Variants in BRDT observed in about 807,000 individuals in gnomAD.
BRDT encodes the protein bromodomain testis-specific protein.
A neutral mutation model predicts 113.9 loss-of-function variants in BRDT; 77 were observed. The observed-to-expected ratio is 0.68, with a 90% CI of 0.56 to 0.82. The LOEUF (loss-of-function observed/expected upper bound fraction) is 0.82, where lower values mean the gene tolerates loss of function less well. Ranked by LOEUF, BRDT falls within the 40% of genes least tolerant of loss-of-function variation. The probability of loss-of-function intolerance (pLI) is 0.00; values close to 1 mark genes in which losing one functional copy is unlikely to be tolerated. For missense variants in BRDT, 1,027 were observed against 1,105.4 expected, an observed-to-expected ratio of 0.93 and a Z score of 1.01; for synonymous variants, 358 against 366.5, an observed-to-expected ratio of 0.98 and a Z score of 0.26.
chr1:92,005,359 G>A, intron 18 of BRDT, 60 bp downstream of exon 18: 1 of 1,400,220 alleles, frequency 7.1e-7, no homozygotes, highest in African/African-American at 1.5e-5. Context: ...ACAGAGCACT[G>A]TCTTTTGTAT....
intron 1 of BRDT, among the ~76,000 whole-genome samples, chr1:91,955,780 C>T (rs1681699494): frequency 6.7e-6 from 1 of 149,770 alleles, no homozygotes; most frequent in Admixed American, 6.8e-5. Flanking sequence ...GAAACCAGGG[C>T]CTCCAGCCAA....
chr1:91,979,483 C>G, intron 7 of BRDT, 86 bp from the exon 8 acceptor site: 1 of 1,306,626 alleles, frequency 7.7e-7, no homozygotes, highest in Admixed American at 2.3e-5. Context: ...AAATATGACA[C>G]TGAAATGTAC....
intron 15 of BRDT, among the ~76,000 whole-genome samples, chr1:92,000,355 C>T (rs1686724981): frequency 6.6e-6 from 1 of 152,242 alleles, no homozygotes; most frequent in Admixed American, 6.5e-5. Context: ...CCTATACTTA[C>T]AGCTTTTCTC....
At position 91,968,159 on chromosome 1, in the gene BRDT, T is replaced by C; in HGVS notation, c.344T>C (p.Ile115Thr). 6.2e-7 allele frequency: 1 copy of C among 1,613,968 alleles called. No individual in the cohort carries two copies. The highest frequency in any genetic ancestry group is 8.5e-7 in the Non-Finnish European group (1 of 1,179,926). Reference protein sequence around the residue: ...CYLYNKPGDDIVLMAQALEKL... With the variant: ...CYLYNKPGDDTVLMAQALEKL... ...TATATTTTGTAGCCTGGAGATGACA[T>C]TGTTCTTATGGCACAAGCTCTAGAG... Residue 115 changes from isoleucine to threonine, a missense_variant, in exon 4 of 19, where the codon ATT becomes ACT. By Grantham distance (89) the Ile-to-Thr change is moderately conservative. Transcript: ENST00000399546.
chr1:91,996,619 T>C (rs1686364595), intron 15 of BRDT, among the ~76,000 whole-genome samples: 1 of 152,168 alleles, frequency 6.6e-6, no homozygotes, highest in Non-Finnish European at 1.5e-5. Flanking sequence ...TCTGATGTAG[T>C]TAGGATTAAG....
rs1265846104 is a variant in BRDT, at chr1:91,980,681, A to G, written c.1326A>G (p.Gln442=). 1 of 1,598,998 alleles carries G rather than the reference A, an allele frequency of 6.3e-7. No homozygotes were observed. The highest frequency in any genetic ancestry group is 1.4e-5 in the African/African-American group (1 of 73,608). ...ATCAACAGCTCCAGGTTTTGTCCCAAGTACCTTTCCGTAAGCTAAATAAAA... is the reference window on the plus strand; with the variant it reads ...ATCAACAGCTCCAGGTTTTGTCCCAGGTACCTTTCCGTAAGCTAAATAAAA... The part of the protein sequence containing the change: ...AVHQQLQVLS[Q]VPFRKLNKKK... The change falls in exon 9 of 19, where the codon CAA becomes CAG. Residue 442 remains glutamine, a synonymous_variant. Coordinates refer to ENST00000399546, the MANE Select transcript of BRDT (RefSeq NM_207189.4).
In BRDT at chr1:91,976,428, C is replaced by T. The variant is rs768316701; in HGVS notation, c.608C>T (p.Thr203Ile). The change falls in exon 5 of 19, where the codon ACT becomes ATT. Residue 203 changes from threonine (T) to isoleucine (I), a missense_variant. Coordinates refer to ENST00000399546, the MANE Select transcript of BRDT (RefSeq NM_207189.4). ...GCTTCAGTCAACTCCAGTTCACAAA[C>T]TGCGGCCCAAGTAAGTTTGTTGTAG... ...QGASVNSSSQ[T>I]AAQVTKGVKR... 6.4e-7 allele frequency: 1 copy of T among 1,555,170 alleles called. No individual in the cohort carries two copies. Among genetic ancestry groups the T allele is most frequent in the Non-Finnish European group, 8.6e-7 (1 of 1,156,366 alleles).
rs115800643 is a variant in BRDT at position 91,999,669 on chromosome 1, C to T, written c.2288-2380C>T. Among the ~76,000 whole-genome samples, 812 of 152,264 alleles carry T rather than the reference C, an allele frequency of 5.3e-3. 5 individuals carry two copies. Among genetic ancestry groups the T allele is most frequent in the South Asian group, 0.016 (78 of 4,818 alleles). On this transcript the variant is annotated intron_variant, in intron 15 of 18. Coordinates refer to ENST00000399546, the MANE Select transcript of BRDT (RefSeq NM_207189.4). ...CAGGTGGCCATACATTGATCATTTT[C>T]TATATATCATGACATGGAAAAGGTT... is the stretch of plus-strand genomic sequence containing the variant.
chr1:92,009,740 TTTA>T (rs1687640255), intron 18 of BRDT, among the ~76,000 whole-genome samples: 5 of 151,586 alleles, frequency 3.3e-5, no homozygotes, highest in Non-Finnish European at 7.4e-5. Context: ...ATTTTATTTA[TTTA>T]TTTTTTTTGT....
intron 4 of BRDT, among the ~76,000 whole-genome samples, chr1:91,970,845 G>A (rs1402461183): frequency 6.7e-6 from 1 of 148,310 alleles, no homozygotes; most frequent in African/African-American, 2.5e-5. Flanking sequence ...GTGGGTTGAA[G>A]GTGCAGTGAG....
intron 5 of BRDT, 73 bp from the exon 6 acceptor site, chr1:91,976,970 T>G: frequency 8.2e-7 from 1 of 1,224,486 alleles, no homozygotes; most frequent in Non-Finnish European, 1.1e-6. Context: ...CCTTTTTTTC[T>G]TTTAACTGAT....
intron 15 of BRDT, among the ~76,000 whole-genome samples, 164 bp downstream of exon 15, chr1:91,994,418 A>T (rs1349920750): frequency 2.0e-5 from 3 of 152,224 alleles, no homozygotes; most frequent in Admixed American, 2.0e-4. Context: ...ACATCATTAG[A>T]AATTATCTGC....
At chr1:91,975,457 G>A (rs1004072682) in intron 4 of BRDT, among the ~76,000 whole-genome samples, 1 of 152,104 alleles carries the variant, frequency 6.6e-6, no homozygotes, top group African/African-American at 2.4e-5. Context: ...ATAGACTATA[G>A]AGGACCGAAG....
chr1:91,994,136 G>A lies in BRDT; in HGVS notation c.2169G>A (p.Gln723=), dbSNP rs903803095. The A allele has an allele frequency of 5.6e-6, 9 of 1,613,620 alleles. No homozygotes were observed. Among genetic ancestry groups the A allele is most frequent in the Non-Finnish European group, 7.6e-6 (9 of 1,179,842 alleles). Residue 723 remains glutamine, a synonymous_variant, in exon 15 of 19, where the codon CAG becomes CAA. Coordinates refer to ENST00000399546, the MANE Select transcript of BRDT (RefSeq NM_207189.4). ...TTSANTTLVH[Q]TTPSHVMPPN... is the part of the protein sequence containing the mutation. ...CTGCCAATACTACCCTTGTTCATCA[G>A]ACCACACCTTCACATGTAATGCCAC... is the stretch of plus-strand genomic sequence containing the variant.
At chr1:91,984,514 A>ATT (rs1247413387) in intron 12 of BRDT, among the ~76,000 whole-genome samples, 8 of 152,234 alleles carry the variant, frequency 5.3e-5, no homozygotes, top group Non-Finnish European at 1.0e-4. Context: ...GAATGAGGCT[A>ATT]TTTACTAAGA....
chr1:92,013,806 T>C (rs1688003868), intron 18 of BRDT, among the ~76,000 whole-genome samples: 1 of 152,192 alleles, frequency 6.6e-6, no homozygotes, highest in African/African-American at 2.4e-5. Context: ...ATAACAAAGA[T>C]ATTGGTTCAT....
chr1:91,951,895 A>C (rs1043657689), intron 1 of BRDT, among the ~76,000 whole-genome samples: 5 of 152,114 alleles, frequency 3.3e-5, no homozygotes, highest in Non-Finnish European at 7.4e-5. Context: ...AAAATACAAA[A>C]AAAATTAGCC....
chr1:92,005,501 G>C (rs986594370), intron 18 of BRDT, among the ~76,000 whole-genome samples: 1 of 152,070 alleles, frequency 6.6e-6, no homozygotes, highest in African/African-American at 2.4e-5. Flanking sequence ...ATAGAGTATT[G>C]ATCCTGGAAG....
Position 91,991,242 on chromosome 1 carries a change from A to G in BRDT, c.2061A>G (p.Val687=). Residue 687 remains valine, a synonymous_variant, in exon 13 of 19, where the codon GTA becomes GTG. Transcript: ENST00000399546. ...ATGATTCTCCTTCTAAAGAGAATGT[A>G]AAGGTAAGTGAATTCTTTATTTGTA... is the stretch of plus-strand genomic sequence containing the variant. ...KPNDSPSKEN[V]KKMKNECIPP... 6.5e-7 allele frequency: 1 copy of G among 1,528,132 alleles called. No individual in the cohort carries two copies. 94.7% of individuals were successfully genotyped at this position (1,528,132 alleles called of 1,614,324 possible).
Sources: gnomAD v4.1 joint callset for allele counts (sites outside exome capture counted in the v4.1 genomes callset) on GRCh38, gnomAD v4.1.1 for gene constraint, MANE v1.5 for transcripts, NCBI Gene and HGNC (gene_info 2026-07-23, HGNC 2026-07-21) for gene names.